The following TBC1D5 variants were observed in gnomAD, a reference collection of about 807,000 sequenced individuals.
TBC1D5 encodes the protein TBC1 domain family member 5.
Under a neutral mutation model 100.3 loss-of-function variants are expected in TBC1D5, and 75 were observed. That is an observed-to-expected ratio of 0.75 (90% CI 0.62 to 0.91). The LOEUF is 0.91. Ranked by LOEUF, TBC1D5 falls within the 40% of genes least tolerant of loss-of-function variation. TBC1D5 has a pLI of 0.00. For missense variants in TBC1D5, 910 were observed against 942.4 expected (o/e 0.97, Z 0.45); for synonymous variants, 323 against 325.6 (o/e 0.99, Z 0.09).
chr3:17,434,231 A>C (rs2094495608), intron 3 of TBC1D5, among the ~76,000 whole-genome samples: 2 of 152,118 alleles, frequency 1.3e-5, no homozygotes, highest in African/African-American at 4.8e-5. Context: ...GGGGACTCCA[A>C]CCCCACATTT....
intron 18 of TBC1D5, among the ~76,000 whole-genome samples, chr3:17,187,947 TG>T (rs1239156816): frequency 2.6e-5 from 4 of 152,212 alleles, no homozygotes; most frequent in African/African-American, 9.7e-5. Context: ...CAAAAGCCGT[TG>T]GGAGCTTTGA....
At chr3:17,372,514 G>C (rs2092516394) in intron 12 of TBC1D5, among the ~76,000 whole-genome samples, 1 of 152,148 alleles carries the variant, frequency 6.6e-6, no homozygotes, top group Admixed American at 6.5e-5. Context: ...TATGTTCCTT[G>C]ATAAAAATGA....
chr3:17,534,748 TA>T (rs1381769819), intron 2 of TBC1D5, among the ~76,000 whole-genome samples: 1 of 152,230 alleles, frequency 6.6e-6, no homozygotes, highest in Non-Finnish European at 1.5e-5. Context: ...AGATATGATC[TA>T]AGTTACTGTT....
rs139517218 is a variant in TBC1D5, at chr3:17,254,720, C to T, written c.1331+3786G>A. On this transcript the variant is annotated intron_variant, in intron 16 of 21. Transcript: ENST00000253692. ...ATCTTTTCTAGTGCTTTTTGTTTCC[C>T]GTATAAGAAATCTTTGCCTACCCTT... is the stretch of plus-strand genomic sequence containing the variant. 3.7e-3 allele frequency among the ~76,000 whole-genome samples: 473 copies of T among 127,318 alleles called. 5 individuals carry two copies. Among genetic ancestry groups the T allele is most frequent in the African/African-American group, 0.014 (445 of 32,112 alleles). The allele number at this position is 127,318 out of a possible 152,430, so 83.5% of individuals were successfully genotyped here.
At chr3:17,475,849 ATGTT>A (rs1023077992) in intron 3 of TBC1D5, among the ~76,000 whole-genome samples, 3 of 152,090 alleles carry the variant, frequency 2.0e-5, no homozygotes, top group African/African-American at 7.2e-5. Flanking sequence ...TATTTCCAAA[ATGTT>A]TGAACCAACT....
chr3:17,360,319 G>C (rs1197239428), intron 13 of TBC1D5, among the ~76,000 whole-genome samples: 1 of 151,976 alleles, frequency 6.6e-6, no homozygotes, highest in Admixed American at 6.6e-5. Flanking sequence ...CCACTGTAAA[G>C]TCACAGTTTT....
intron 19 of TBC1D5, among the ~76,000 whole-genome samples, chr3:17,181,655 T>C (rs1478938712): frequency 2.6e-5 from 4 of 152,166 alleles, no homozygotes; most frequent in African/African-American, 9.7e-5. Flanking sequence ...CTGCTACGTA[T>C]ACAGGTTGAC....
chr3:17,615,929 G>C (rs183121761), intron 2 of TBC1D5, among the ~76,000 whole-genome samples: 1 of 152,124 alleles, frequency 6.6e-6, no homozygotes, highest in East Asian at 1.9e-4. Context: ...CCGTCTGCTA[G>C]CTTTTGAATT....
chr3:17,644,963 C>G (rs1414578633), intron 1 of TBC1D5, among the ~76,000 whole-genome samples: 1 of 151,990 alleles, frequency 6.6e-6, no homozygotes, highest in African/African-American at 2.4e-5. Flanking sequence ...CACTCTTGGT[C>G]TAAAGCATGG....
intron 3 of TBC1D5, among the ~76,000 whole-genome samples, chr3:17,444,311 T>A (rs6778109): frequency 0.061 from 9,252 of 152,038 alleles, 547 homozygotes; most frequent in African/African-American, 0.15. Context: ...TGCAATTACA[T>A]GAGGATACTT....
chr3:17,444,890 GA>G (rs2094749002), intron 3 of TBC1D5, among the ~76,000 whole-genome samples: 1 of 152,030 alleles, frequency 6.6e-6, no homozygotes, highest in Non-Finnish European at 1.5e-5. Flanking sequence ...GCATTACAGA[GA>G]AAAAGAATTA....
At chr3:17,520,330 T>A (rs2096050076) in intron 2 of TBC1D5, among the ~76,000 whole-genome samples, 1 of 152,090 alleles carries the variant, frequency 6.6e-6, no homozygotes. Flanking sequence ...TAGCTAATTA[T>A]AGTAAGAGCT....
Position 17,403,184 on chromosome 3 carries a change from CT to C in TBC1D5, c.505del (p.Arg169GlufsTer14). On this transcript the variant is annotated frameshift_variant, in exon 8 of 22. Transcript: ENST00000253692. LOFTEE classifies it high-confidence loss of function. Reference sequence around the variant, plus strand: ...ACATGTAAATAGTTCTACATACGTTCTTTTGACATCTTGTTCAATCATTGAT... The same window carrying C: ...ACATGTAAATAGTTCTACATACGTTCTTTGACATCTTGTTCAATCATTGAT... The C allele has an allele frequency of 1.3e-6, 2 of 1,583,948 alleles. No homozygotes were observed. The highest frequency in any genetic ancestry group is 3.5e-5 in the Admixed American group (2 of 57,460).
At chr3:17,341,537 A>G (rs2088934081) in intron 13 of TBC1D5, among the ~76,000 whole-genome samples, 1 of 152,118 alleles carries the variant, frequency 6.6e-6, no homozygotes, top group Non-Finnish European at 1.5e-5. Context: ...CATCTTGTAG[A>G]TGAGAAACTG....
chr3:17,689,528 AAAAAAAAAGAAAAG>A (rs1355086039), intron 1 of TBC1D5, among the ~76,000 whole-genome samples: 1 of 151,708 alleles, frequency 6.6e-6, no homozygotes, highest in Non-Finnish European at 1.5e-5. Flanking sequence ...CAAAAAAAAA[AAAAAAAAAGAAAAG>A]AAAAAGAGAA....
intron 16 of TBC1D5, among the ~76,000 whole-genome samples, chr3:17,256,419 T>TTA (rs994873862): frequency 8.9e-5 from 13 of 146,634 alleles, no homozygotes; most frequent in Admixed American, 2.0e-4. Flanking sequence ...ACTCATTGTG[T>TTA]TATATATATA....
At chr3:17,167,420 C>T (rs1036295368) in intron 20 of TBC1D5, among the ~76,000 whole-genome samples, 3 of 152,208 alleles carry the variant, frequency 2.0e-5, no homozygotes, top group East Asian at 1.9e-4. Context: ...TGACTTGTGC[C>T]CCAAAAATAT....
chr3:17,316,890 GA>G (rs1463743770), intron 13 of TBC1D5, among the ~76,000 whole-genome samples: 1 of 152,174 alleles, frequency 6.6e-6, no homozygotes, highest in Non-Finnish European at 1.5e-5. Flanking sequence ...GAAAAACTGA[GA>G]ATCTTCATTT....
intron 15 of TBC1D5, among the ~76,000 whole-genome samples, chr3:17,280,179 T>C (rs1470569645): frequency 1.3e-5 from 2 of 152,120 alleles, no homozygotes; most frequent in African/African-American, 2.4e-5. Context: ...AACTACCTAC[T>C]ATAGAGATGG....
Sources: gnomAD v4.1 joint callset for allele counts (sites outside exome capture counted in the v4.1 genomes callset) on GRCh38, gnomAD v4.1.1 for gene constraint, MANE v1.5 for transcripts, NCBI Gene and HGNC (gene_info 2026-07-23, HGNC 2026-07-21) for gene names.